EPHB2: variants seen among roughly 807,000 people sequenced by gnomAD.
The protein encoded by EPHB2 is EPH receptor B2, also known as ephrin type-B receptor 2.
In EPHB2, 18 loss-of-function variants were observed where a neutral mutation model predicts 96.4. The observed-to-expected ratio is 0.19, with a 90% CI of 0.13 to 0.28. EPHB2 has a LOEUF of 0.28. Among genes scored for constraint, EPHB2 ranks in the 10% least tolerant of loss-of-function variants. EPHB2 has a pLI of 1.00. For synonymous variants in EPHB2, 506 were observed against 534.1 expected (o/e 0.95, Z 0.72); for missense variants, 989 against 1,355.4 (o/e 0.73, Z 4.25).
In EPHB2 at chr1:22,784,684, C is replaced by T. The variant is rs775993472; in HGVS notation, c.419C>T (p.Thr140Ile). The part of the protein sequence containing the change: ...WMENPWVKVD[T>I]IAADESFSQV... Reference sequence around the variant, plus strand: ...GAGAATCCATGGGTGAAGGTGGATACCATTGCAGCCGACGAGAGCTTCTCC... The same window carrying T: ...GAGAATCCATGGGTGAAGGTGGATATCATTGCAGCCGACGAGAGCTTCTCC... Residue 140 changes from threonine (T) to isoleucine (I), a missense_variant, in exon 3 of 16, where the codon ACC (threonine) becomes ATC (isoleucine). Transcript: ENST00000374630. The surrounding 1 kb of genome is among the most constrained non-coding windows in gnomAD (Gnocchi z 5.1). The T allele has an allele frequency of 2.5e-6, 4 of 1,614,036 alleles. No individual in the cohort carries two copies. Among genetic ancestry groups the T allele is most frequent in the Non-Finnish European group, 2.5e-6 (3 of 1,180,046 alleles).
At chr1:22,879,363 T>C (rs1388726836) in intron 5 of EPHB2, among the ~76,000 whole-genome samples, 1 of 152,162 alleles carries the variant, frequency 6.6e-6, no homozygotes, top group Non-Finnish European at 1.5e-5. Flanking sequence ...AGGGCCTTAT[T>C]TTGTTGTTTC....
At chr1:22,865,948 G>A (rs879543756) in intron 5 of EPHB2, among the ~76,000 whole-genome samples, 6 of 151,334 alleles carry the variant, frequency 4.0e-5, no homozygotes, top group Non-Finnish European at 8.8e-5. Flanking sequence ...TTTCCTTCAC[G>A]GCAAAAAAGG....
At chr1:22,807,554 C>T (rs1644944314) in intron 3 of EPHB2, among the ~76,000 whole-genome samples, 1 of 152,214 alleles carries the variant, frequency 6.6e-6, no homozygotes, top group Non-Finnish European at 1.5e-5. Flanking sequence ...CCCTCCCAGC[C>T]TCTACCCCCA....
At chr1:22,839,967 C>T (rs1645441702) in intron 3 of EPHB2, among the ~76,000 whole-genome samples, 2 of 152,162 alleles carry the variant, frequency 1.3e-5, no homozygotes, top group Admixed American at 6.5e-5. Flanking sequence ...CCGGATAGGG[C>T]AGGGACTGGA....
At chr1:22,857,783 A>G (rs1466798799) in intron 3 of EPHB2, among the ~76,000 whole-genome samples, 2 of 152,066 alleles carry the variant, frequency 1.3e-5, no homozygotes, top group African/African-American at 4.8e-5. Context: ...TCTGATTGTG[A>G]TGGTACCTTG....
At chr1:22,909,495 G>A (rs865902603) in intron 13 of EPHB2, among the ~76,000 whole-genome samples, 6 of 152,328 alleles carry the variant, frequency 3.9e-5, no homozygotes, top group East Asian at 1.9e-4. Flanking sequence ...GGGACAAGAC[G>A]ATTATTCAGG....
rs527896443 is a variant in EPHB2 at position 22,846,352 on chromosome 1, G to T, written c.812-16685G>T. Among the ~76,000 whole-genome samples the T allele has an allele frequency of 1.2e-4, 18 of 151,522 alleles. No individual in the cohort carries two copies. In the East Asian group the frequency reaches 3.5e-3, roughly 30 times the overall value. On this transcript the variant is annotated intron_variant, in intron 3 of 15. Coordinates refer to ENST00000374630, the MANE Select transcript of EPHB2 (RefSeq NM_017449.5). This position sits in a 1 kb window ranked among gnomAD's most constrained non-coding sequence, Gnocchi z 4.3. ...AATCACTTGAACCCGGGAGGTGGAG[G>T]TTGCAGTGAGCCGAGATTGTGCCAC...
At chr1:22,894,007 A>G (rs551783869) in intron 7 of EPHB2, among the ~76,000 whole-genome samples, 1 of 151,874 alleles carries the variant, frequency 6.6e-6, no homozygotes, top group East Asian at 1.9e-4. Flanking sequence ...AGGCTCCTGG[A>G]CTCCTAAATT....
chr1:22,875,207 C>A lies in EPHB2; in HGVS notation c.1304-7152C>A, dbSNP rs1175085473. On this transcript the variant is annotated intron_variant, in intron 5 of 15. Transcript: ENST00000374630. The surrounding 1 kb of genome is among the most constrained non-coding windows in gnomAD (Gnocchi z 4.2). ...GTTGTGAGAATTATCGTCAGGTCAT[C>A]CAGAATTGCAGCCAGATCATCGGGG... 1.3e-5 allele frequency among the ~76,000 whole-genome samples: 2 copies of A among 152,188 alleles called. No homozygotes were observed. The highest frequency in any genetic ancestry group is 4.8e-5 in the African/African-American group (2 of 41,456).
intron 6 of EPHB2, among the ~76,000 whole-genome samples, chr1:22,885,852 C>T (rs1278262528): frequency 6.6e-6 from 1 of 152,174 alleles, no homozygotes; most frequent in Non-Finnish European, 1.5e-5. Flanking sequence ...CTACTTCTTT[C>T]AGTCCCTCCC....
At chr1:22,766,620 G>A (rs916512554) in intron 1 of EPHB2, among the ~76,000 whole-genome samples, 1 of 152,142 alleles carries the variant, frequency 6.6e-6, no homozygotes, top group African/African-American at 2.4e-5. Flanking sequence ...ATGGTGGTTG[G>A]GGGGAGGAGA....
chr1:22,842,689 C>CCACTCAGT, intron 3 of EPHB2, among the ~76,000 whole-genome samples: 1 of 152,296 alleles, frequency 6.6e-6, no homozygotes, highest in South Asian at 2.1e-4. Flanking sequence ...GCCCTGTTTC[C>CCACTCAGT]CACTCAGTTC....
intron 1 of EPHB2, among the ~76,000 whole-genome samples, chr1:22,711,967 A>G (rs1403207553): frequency 6.6e-6 from 1 of 152,186 alleles, no homozygotes; most frequent in Non-Finnish European, 1.5e-5. Context: ...GGAATGGCCG[A>G]GCTTGCAGGG....
At chr1:22,899,582 T>G (rs914748605) in intron 9 of EPHB2, among the ~76,000 whole-genome samples, 1 of 152,212 alleles carries the variant, frequency 6.6e-6, no homozygotes, top group African/African-American at 2.4e-5. Context: ...TTTAGGCAAC[T>G]ATTAACCAAT....
intron 1 of EPHB2, among the ~76,000 whole-genome samples, chr1:22,781,184 G>A (rs2148418993): frequency 6.6e-6 from 1 of 152,096 alleles, no homozygotes; most frequent in Admixed American, 6.5e-5. Flanking sequence ...GCCGGGCGTG[G>A]TTGGAGGCGC....
chr1:22,884,586 C>T (rs1341277607), intron 6 of EPHB2, among the ~76,000 whole-genome samples: 1 of 146,094 alleles, frequency 6.8e-6, no homozygotes, highest in Non-Finnish European at 1.5e-5. Context: ...CACCACTGCA[C>T]TCCAGCCTGG....
chr1:22,727,323 A>G (rs918453810), intron 1 of EPHB2, among the ~76,000 whole-genome samples: 2 of 152,378 alleles, frequency 1.3e-5, no homozygotes, highest in African/African-American at 4.8e-5. Flanking sequence ...ATGGGCCACA[A>G]TGGCAGGGAC....
At chr1:22,881,120 A>T (rs977373530) in intron 5 of EPHB2, among the ~76,000 whole-genome samples, 2 of 152,044 alleles carry the variant, frequency 1.3e-5, no homozygotes, top group African/African-American at 2.4e-5. Flanking sequence ...CAAAAATTAC[A>T]CCAGGCACAG....
In EPHB2 at chr1:22,913,854, G is replaced by A. The variant is rs372635662; in HGVS notation, c.*284G>A. The A allele has an allele frequency of 2.5e-6, 4 of 1,602,822 alleles. No homozygotes were observed. In the African/African-American group the frequency reaches 4.1e-5, roughly 16 times the overall value. The stretch of plus-strand genomic sequence containing the variant: ...GATTCTCATAAGGAAAGCAATGACT[G>A]TTCTTGCGGGGGATAAAAAAGGGCT... On this transcript the variant is annotated 3_prime_UTR_variant, in exon 16 of 16. Transcript: ENST00000374630. This position sits in a 1 kb window ranked among gnomAD's most constrained non-coding sequence, Gnocchi z 4.1.
Sources: gnomAD v4.1 joint callset for allele counts (sites outside exome capture counted in the v4.1 genomes callset) on GRCh38, gnomAD v4.1.1 for gene constraint, Gnocchi (gnomAD v3.1) non-coding constraint, MANE v1.5 for transcripts, NCBI Gene and HGNC (gene_info 2026-07-23, HGNC 2026-07-21) for gene names.